The following LYPD4 variants were observed in gnomAD, a reference collection of about 807,000 sequenced individuals.
LYPD4 encodes ly6/PLAUR domain-containing protein 4.
LYPD4 carries 20 observed loss-of-function variants against 18.2 expected under a neutral mutation model. That is an observed-to-expected ratio of 1.10 (90% CI 0.77 to 1.59). LYPD4 has a LOEUF of 1.59. Among genes scored for constraint, LYPD4 ranks in the 40% most tolerant of loss-of-function variants. The pLI, the probability that LYPD4 is intolerant of heterozygous loss-of-function variation, is 0.00. For synonymous variants in LYPD4, 111 were observed against 118.3 expected (o/e 0.94, Z 0.40); for missense variants, 278 against 300.3 (o/e 0.93, Z 0.55).
At chr19:41,839,662 G>T in intron 1 of LYPD4, 1 of 185,116 alleles carries the variant, frequency 5.4e-6, no homozygotes, top group Non-Finnish European at 1.1e-5. Flanking sequence ...ACAAATAGAT[G>T]TTTCAAACTC....
intron 4 of LYPD4, 143 bp from the exon 5 acceptor site, chr19:41,837,488 GTT>G: frequency 1.2e-6 from 1 of 849,724 alleles, no homozygotes; most frequent in Non-Finnish European, 1.8e-6. Flanking sequence ...AAGGCCAGGA[GTT>G]TGAGACTAGC....
Position 41,837,946 on chromosome 19 carries a change from T to C in LYPD4, c.527A>G (p.Lys176Arg). ...AASTCYSSTL[K>R]FQAGFLNTTF... ...TCCTCTCCTCTCACCTGCCTGAAATTTTAAGGTGGAACTGTAACACGTAGA... is the reference window on the plus strand; with the variant it reads ...TCCTCTCCTCTCACCTGCCTGAAATCTTAAGGTGGAACTGTAACACGTAGA... The change falls in exon 4 of 5, where the codon AAA becomes AGA. Residue 176 changes from lysine to arginine, a missense_variant. Physicochemically the swap from Lys to Arg is conservative, Grantham distance 26 (BLOSUM62 2). Coordinates refer to ENST00000609812, the MANE Select transcript of LYPD4 (RefSeq NM_173506.7). The C allele has an allele frequency of 6.2e-7, 1 of 1,606,980 alleles. No individual in the cohort carries two copies. Among genetic ancestry groups the C allele is most frequent in the Non-Finnish European group, 8.5e-7 (1 of 1,175,012 alleles).
At chr19:41,838,741 TA>T (rs1250790540) in intron 3 of LYPD4, 139 bp downstream of exon 3, 39 of 441,312 alleles carry the variant, frequency 8.8e-5, no homozygotes, top group African/African-American at 2.6e-4. Context: ...CAAAAAAAAT[TA>T]AAAAAAATAT....
chr19:41,843,077 ACCCC>A (rs2073692795), intron 1 of LYPD4, among the ~76,000 whole-genome samples: 1,050 of 47,632 alleles, frequency 0.022, no homozygotes, highest in South Asian at 0.032. Context: ...AAAAAAAAAA[ACCCC>A]AACAACAACA....
chr19:41,836,707 G>C (rs1314041086), downstream of LYPD4, among the ~76,000 whole-genome samples: 1 of 150,640 alleles, frequency 6.6e-6, no homozygotes, highest in African/African-American at 2.4e-5. Context: ...ACCAGACCGG[G>C]CAACATAGTG....
chr19:41,842,927 G>T, intron 1 of LYPD4, among the ~76,000 whole-genome samples: 1 of 148,752 alleles, frequency 6.7e-6, no homozygotes. Flanking sequence ...GTCGGGTGTG[G>T]TCGTTCATGC....
chr19:41,843,857 G>C lies in LYPD4; in HGVS notation c.-400C>G. On this transcript the variant is annotated 5_prime_UTR_variant, in exon 1 of 5. Transcript: ENST00000609812. ...CAACTGGACCTGGACCTAACAAGCT[G>C]AGTACAAGTGGAGACGCAACCAGAA... is the stretch of plus-strand genomic sequence containing the variant. The C allele has an allele frequency of 8.1e-6, 1 of 122,850 alleles. No homozygotes were observed. Among genetic ancestry groups the C allele is most frequent in the South Asian group, 2.8e-4 (1 of 3,622 alleles). 7.6% of individuals were successfully genotyped at this position (122,850 alleles called of 1,614,324 possible).
intron 4 of LYPD4, 59 bp from the exon 5 acceptor site, chr19:41,837,404 A>C: frequency 1.3e-6 from 2 of 1,586,930 alleles, no homozygotes; most frequent in Admixed American, 3.3e-5. Context: ...CCCTGCCTTC[A>C]GCCAGGTGCA....
chr19:41,843,320 C>G (rs1231036882), intron 1 of LYPD4, among the ~76,000 whole-genome samples: 8 of 151,994 alleles, frequency 5.3e-5, no homozygotes, highest in Non-Finnish European at 7.4e-5. Flanking sequence ...AGCCTACTAC[C>G]TTCTTTATAA....
Sources: gnomAD v4.1 joint callset for allele counts (sites outside exome capture counted in the v4.1 genomes callset) on GRCh38, gnomAD v4.1.1 for gene constraint, MANE v1.5 for transcripts, NCBI Gene and HGNC (gene_info 2026-07-23, HGNC 2026-07-21) for gene names.